Variants in PCDH11X observed in about 807,000 individuals in gnomAD.
The protein encoded by PCDH11X is protocadherin 11 X-linked.
Under a neutral mutation model 53.3 loss-of-function variants are expected in PCDH11X, and 18 were observed. The observed-to-expected ratio is 0.34, with a 90% CI of 0.23 to 0.50. PCDH11X has a LOEUF of 0.50. PCDH11X is among the 20% of genes least tolerant of loss of function. The pLI, the probability that PCDH11X is intolerant of heterozygous loss-of-function variation, is 0.98. For missense variants in PCDH11X, 570 were observed against 1,032.4 expected, an observed-to-expected ratio of 0.55 and a Z score of 6.14; for synonymous variants, 279 against 393.3, an observed-to-expected ratio of 0.71 and a Z score of 3.44.
At chrX:92,392,173 A>G (rs1335171634) in intron 9 of PCDH11X, among the ~76,000 whole-genome samples, 1 of 111,053 alleles carries the variant, frequency 9.0e-6, no homozygotes, top group Non-Finnish European at 1.9e-5. Context: ...CTTCCCCCAA[A>G]AAAGTTAATG....
chrX:91,976,086 T>C (rs1254613578), intron 6 of PCDH11X, among the ~76,000 whole-genome samples: 2 of 111,760 alleles, frequency 1.8e-5, no homozygotes, highest in Non-Finnish European at 3.8e-5. Context: ...TGGGTCCCAC[T>C]CTGTCGCCCA....
intron 8 of PCDH11X, among the ~76,000 whole-genome samples, chrX:92,318,626 A>G (rs1203157300): frequency 9.0e-6 from 1 of 111,713 alleles, no homozygotes; most frequent in Non-Finnish European, 1.9e-5. Flanking sequence ...CCATGGATGT[A>G]GGACAGCACC....
chrX:92,024,718 C>CAAAAAAAAAAAAAAA (rs199917287), intron 6 of PCDH11X, among the ~76,000 whole-genome samples: 7 of 54,669 alleles, frequency 1.3e-4, no homozygotes, highest in Non-Finnish European at 2.7e-4. Flanking sequence ...CAATCCTAAG[C>CAAAAAAAAAAAAAAA]AAAAAAAAAA....
intron 6 of PCDH11X, among the ~76,000 whole-genome samples, chrX:92,143,756 A>T (rs1196407809): frequency 8.9e-6 from 1 of 111,778 alleles, no homozygotes; most frequent in Non-Finnish European, 1.9e-5. Flanking sequence ...TGCCTAGTGG[A>T]GTTGTGAGAA....
At chrX:92,276,401 T>G (rs2148436288) in intron 8 of PCDH11X, among the ~76,000 whole-genome samples, 1 of 109,711 alleles carries the variant, frequency 9.1e-6, no homozygotes, top group Non-Finnish European at 1.9e-5. Flanking sequence ...TGGGAGTGGC[T>G]GCCAGGTGAG....
intron 7 of PCDH11X, among the ~76,000 whole-genome samples, chrX:92,242,610 G>C (rs1449005506): frequency 1.8e-5 from 2 of 111,546 alleles, no homozygotes; most frequent in African/African-American, 6.5e-5. Flanking sequence ...GTGTAAATAT[G>C]AGTTTTAATT....
At chrX:91,865,463 A>C (rs1476806640) in intron 5 of PCDH11X, among the ~76,000 whole-genome samples, 3 of 108,436 alleles carry the variant, frequency 2.8e-5, no homozygotes, top group Non-Finnish European at 5.7e-5. Flanking sequence ...ACCTAAAGCC[A>C]GCTCAGCACT....
At chrX:91,893,456 G>A (rs1231505953) in intron 6 of PCDH11X, among the ~76,000 whole-genome samples, 1 of 107,597 alleles carries the variant, frequency 9.3e-6, no homozygotes, top group Non-Finnish European at 1.9e-5. Flanking sequence ...AGCACAAGAA[G>A]CATCTCAGTG....
chrX:92,481,577 C>G lies in PCDH11X; in HGVS notation c.3367+13255C>G, dbSNP rs1243713705. On this transcript the variant is annotated intron_variant, in intron 10 of 10. Transcript: ENST00000682573. ...GCAAAGAGGCAGAGTCAGGCTGGGC[C>G]TCTGGGACAGGCCAGCAGACCAAGG... Among the ~76,000 whole-genome samples, 3 of 110,039 alleles carry G rather than the reference C, an allele frequency of 2.7e-5. No individual in the cohort carries two copies. The East Asian group carries it at 8.8e-4, about 32-fold the overall frequency.
chrX:91,813,633 T>A (rs1233351705), intron 4 of PCDH11X, among the ~76,000 whole-genome samples: 2 of 106,556 alleles, frequency 1.9e-5, no homozygotes, highest in Non-Finnish European at 3.8e-5. Context: ...ATAAACATAG[T>A]TTTTTTGCTT....
intron 6 of PCDH11X, among the ~76,000 whole-genome samples, chrX:91,989,028 C>T (rs1251984948): frequency 1.8e-5 from 2 of 110,787 alleles, no homozygotes; most frequent in East Asian, 2.9e-4. Flanking sequence ...CTTCACTATC[C>T]AGGAATCTGC....
intron 6 of PCDH11X, among the ~76,000 whole-genome samples, chrX:91,994,986 A>AT (rs1411932991): frequency 1.4e-4 from 16 of 111,172 alleles, no homozygotes; most frequent in African/African-American, 5.2e-4. Flanking sequence ...CATATTGTTC[A>AT]TTGGATTATT....
intron 6 of PCDH11X, among the ~76,000 whole-genome samples, chrX:91,997,205 CTT>C (rs1029049404): frequency 9.2e-6 from 1 of 108,918 alleles, no homozygotes; most frequent in African/African-American, 3.3e-5. Context: ...ATTTGGATGT[CTT>C]TTTTTTTCTT....
chrX:92,142,940 A>G (rs1295586283), intron 6 of PCDH11X, among the ~76,000 whole-genome samples: 2 of 108,759 alleles, frequency 1.8e-5, no homozygotes, highest in African/African-American at 6.7e-5. Context: ...ACACACACAC[A>G]TATCTACACA....
At chrX:91,866,744 T>G (rs1268725149) in intron 5 of PCDH11X, among the ~76,000 whole-genome samples, 1 of 111,379 alleles carries the variant, frequency 9.0e-6, no homozygotes, top group African/African-American at 3.3e-5. Flanking sequence ...AGGTGTTTTT[T>G]CTTTGTAGAT....
At chrX:91,901,927 C>T (rs967002171) in intron 6 of PCDH11X, among the ~76,000 whole-genome samples, 24 of 110,965 alleles carry the variant, frequency 2.2e-4, no homozygotes, top group Non-Finnish European at 4.5e-4. Context: ...GGGAAAGATT[C>T]GTGGAAGAGA....
At chrX:91,919,957 C>T (rs913672203) in intron 6 of PCDH11X, among the ~76,000 whole-genome samples, 97 of 111,168 alleles carry the variant, frequency 8.7e-4, no homozygotes, top group African/African-American at 3.1e-3. Flanking sequence ...TGAAAATTTG[C>T]TTGGTTACAC....
chrX:91,971,461 CAATG>C (rs1428912694), intron 6 of PCDH11X, among the ~76,000 whole-genome samples: 1 of 108,616 alleles, frequency 9.2e-6, no homozygotes, highest in African/African-American at 3.4e-5. Context: ...GTTGCATAGA[CAATG>C]AATCCAGTCT....
intron 5 of PCDH11X, among the ~76,000 whole-genome samples, chrX:91,868,081 A>G (rs1042550526): frequency 9.0e-5 from 10 of 111,528 alleles, no homozygotes; most frequent in African/African-American, 3.3e-4. Context: ...TTTAGTGACC[A>G]AAAATAACAA....
Sources: allele counts gnomAD v4.1 joint callset (sites outside exome capture counted in the v4.1 genomes callset), GRCh38; gene constraint gnomAD v4.1.1; transcripts MANE v1.5; gene names NCBI Gene and HGNC (gene_info 2026-07-23, HGNC 2026-07-21).